The following PLCG2 variants were observed in gnomAD, a reference collection of about 807,000 sequenced individuals.
PLCG2 encodes 1-phosphatidylinositol 4,5-bisphosphate phosphodiesterase gamma-2.
Under a neutral mutation model 175.6 loss-of-function variants are expected in PLCG2, and 69 were observed. The observed-to-expected ratio is 0.39, with a 90% CI of 0.32 to 0.48. The LOEUF is 0.48. Among genes scored for constraint, PLCG2 ranks in the 20% least tolerant of loss-of-function variants. The pLI is 0.91. For missense variants in PLCG2, 1,798 were observed against 1,650.9 expected (o/e 1.09, Z -1.54); for synonymous variants, 827 against 624.0 (o/e 1.33, Z -4.85).
chr16:81,774,745 T>G (rs6564916), upstream of PLCG2, among the ~76,000 whole-genome samples: 116,364 of 146,230 alleles, frequency 0.8, 46,906 homozygotes, highest in Non-Finnish European at 0.9. Flanking sequence ...TCTAAGGGTG[T>G]TTTTTTTTTT....
At chr16:81,750,663 ATTTTT>A (rs543220131) in intron 1 of PLCG2, among the ~76,000 whole-genome samples, 18 of 68,464 alleles carry the variant, frequency 2.6e-4, no homozygotes, top group African/African-American at 6.5e-4. Flanking sequence ...GGGACTGGAG[ATTTTT>A]TTTTTTTTTT....
At chr16:81,823,261 G>T (rs964772954) in intron 2 of PLCG2, among the ~76,000 whole-genome samples, 2 of 152,242 alleles carry the variant, frequency 1.3e-5, no homozygotes, top group African/African-American at 4.8e-5. Context: ...GATCTCTGCA[G>T]TCAGGCCTCT....
At chr16:81,935,565 C>A (rs1427032892) in intron 26 of PLCG2, 1 of 985,224 alleles carries the variant, frequency 1.0e-6, no homozygotes, top group Admixed American at 6.1e-5. Flanking sequence ...CAATACTAGA[C>A]CCCTCAGTTA....
chr16:81,882,764 A>G (rs1388643878), intron 8 of PLCG2, among the ~76,000 whole-genome samples: 1 of 150,656 alleles, frequency 6.6e-6, no homozygotes, highest in African/African-American at 2.4e-5. Flanking sequence ...ACCCCACCTC[A>G]TTCTGGCTCA....
intron 2 of PLCG2, among the ~76,000 whole-genome samples, chr16:81,791,295 A>G (rs1244704254): frequency 2.0e-5 from 3 of 152,044 alleles, no homozygotes; most frequent in Non-Finnish European, 4.4e-5. Context: ...CTCATTGTGG[A>G]GGAGCTGCTT....
In PLCG2 at chr16:81,862,197, A is replaced by C. The variant is rs371544676; in HGVS notation, c.479+3034A>C. Among the ~76,000 whole-genome samples the C allele has an allele frequency of 2.6e-5, 4 of 152,352 alleles. No homozygotes were observed. In the East Asian group the frequency reaches 7.7e-4, roughly 29 times the overall value. On this transcript the variant is annotated intron_variant, in intron 5 of 32. Transcript: ENST00000564138. ...AGGAAAACAAAGGAGCCACAGAGGC[A>C]GAGGAAAGACTGAAGGCGAGAGGGG...
intron 1 of PLCG2, among the ~76,000 whole-genome samples, chr16:81,744,302 T>C (rs965287099): frequency 1.3e-5 from 2 of 151,790 alleles, no homozygotes; most frequent in Admixed American, 6.6e-5. Flanking sequence ...GTAGCTGGGA[T>C]TACAGGTGCC....
At chr16:81,912,319 G>C (rs1368494776) in intron 18 of PLCG2, among the ~76,000 whole-genome samples, 1 of 152,078 alleles carries the variant, frequency 6.6e-6, no homozygotes, top group Non-Finnish European at 1.5e-5. Flanking sequence ...TCCTGCCTCA[G>C]CCTCCCAAAG....
intron 1 of PLCG2, among the ~76,000 whole-genome samples, chr16:81,745,140 A>G (rs530119999): frequency 1.3e-5 from 2 of 152,362 alleles, no homozygotes; most frequent in East Asian, 3.9e-4. Context: ...AGGTCACTGC[A>G]GGGCTGAACT....
chr16:81,883,044 G>A (rs546456508), intron 8 of PLCG2, among the ~76,000 whole-genome samples: 1 of 152,254 alleles, frequency 6.6e-6, no homozygotes, highest in African/African-American at 2.4e-5. Flanking sequence ...TAGACACCAG[G>A]GCCTGCCCCT....
At chr16:81,810,449 C>T (rs1238403031) in intron 2 of PLCG2, among the ~76,000 whole-genome samples, 1 of 152,218 alleles carries the variant, frequency 6.6e-6, no homozygotes, top group South Asian at 2.1e-4. Flanking sequence ...TATTTGCAAC[C>T]TGCAAACCAG....
At chr16:81,835,344 C>G (rs1184702809) in intron 2 of PLCG2, among the ~76,000 whole-genome samples, 9 of 151,684 alleles carry the variant, frequency 5.9e-5, no homozygotes. Flanking sequence ...ACCTGTAATC[C>G]CAGCACTTTG....
At chr16:81,853,778 A>C (rs1202685250) in intron 2 of PLCG2, among the ~76,000 whole-genome samples, 2 of 152,142 alleles carry the variant, frequency 1.3e-5, no homozygotes, top group African/African-American at 4.8e-5. Flanking sequence ...TAAGGCATAA[A>C]TACTGGAGGC....
chr16:81,778,326 C>T (rs1331961150), upstream of PLCG2, among the ~76,000 whole-genome samples: 4 of 151,332 alleles, frequency 2.6e-5, no homozygotes, highest in African/African-American at 7.3e-5. Flanking sequence ...GCTATGATGG[C>T]ACCACTGCAC....
chr16:81,832,133 T>A (rs1905286041), intron 2 of PLCG2, among the ~76,000 whole-genome samples: 1 of 152,072 alleles, frequency 6.6e-6, no homozygotes, highest in Non-Finnish European at 1.5e-5. Flanking sequence ...TTGTGGCGAT[T>A]CTGTGGCACT....
chr16:81,875,625 C>T (rs1907743985), intron 7 of PLCG2, among the ~76,000 whole-genome samples: 1 of 152,228 alleles, frequency 6.6e-6, no homozygotes, highest in South Asian at 2.1e-4. Flanking sequence ...AGACATCAAG[C>T]AGCGTATCAG....
chr16:81,855,472 T>G (rs1296770694), intron 3 of PLCG2, among the ~76,000 whole-genome samples: 2 of 152,232 alleles, frequency 1.3e-5, no homozygotes, highest in African/African-American at 4.8e-5. Context: ...TTGAGCAATA[T>G]AGGGACATTT....
intron 13 of PLCG2, chr16:81,897,855 T>C (rs1303859065): frequency 2.2e-6 from 1 of 455,878 alleles, no homozygotes; most frequent in Non-Finnish European, 4.4e-6. Flanking sequence ...CGATTGGTTA[T>C]TTTTATTGCA....
chr16:81,914,692 T>C (rs566839300), intron 19 of PLCG2, among the ~76,000 whole-genome samples: 28 of 152,354 alleles, frequency 1.8e-4, no homozygotes, highest in African/African-American at 6.3e-4. Context: ...CTCAGGCTAA[T>C]GGTCTGGCAG....
Sources: allele counts gnomAD v4.1 joint callset (sites outside exome capture counted in the v4.1 genomes callset), GRCh38; gene constraint gnomAD v4.1.1; transcripts MANE v1.5; gene names NCBI Gene and HGNC (gene_info 2026-07-23, HGNC 2026-07-21).